Variants in RASEF observed in about 807,000 individuals in gnomAD.
RASEF encodes the protein ras and EF-hand domain-containing protein.
A neutral mutation model predicts 90.1 loss-of-function variants in RASEF; 68 were observed. The observed-to-expected ratio is 0.75, with a 90% CI of 0.62 to 0.92. The LOEUF is 0.92. Among genes scored for constraint, RASEF ranks in the 40% least tolerant of loss-of-function variants. The pLI is 0.00. For missense variants in RASEF, 949 were observed against 937.2 expected (o/e 1.01, Z -0.16); for synonymous variants, 331 against 345.2 (o/e 0.96, Z 0.46).
At chr9:83,164,914 C>A in the RASEF span, among the ~76,000 whole-genome samples, 2 of 151,844 alleles carry the variant, frequency 1.3e-5, no homozygotes, top group Non-Finnish European at 2.9e-5. Flanking sequence ...TATAAAAGGA[C>A]ATTGCATAAT....
chr9:83,114,964 C>T, the RASEF span, among the ~76,000 whole-genome samples: 13 of 152,322 alleles, frequency 8.5e-5, no homozygotes, highest in East Asian at 2.3e-3. Flanking sequence ...ACTCCCTCCC[C>T]TTTTGAAAAT....
intron 1 of RASEF, among the ~76,000 whole-genome samples, chr9:83,035,308 T>C (rs1174507768): frequency 6.6e-6 from 1 of 152,212 alleles, no homozygotes; most frequent in Non-Finnish European, 1.5e-5. Context: ...AGTTTGGCTG[T>C]GTTTCAATAA....
At chr9:83,131,073 A>C in the RASEF span, among the ~76,000 whole-genome samples, 1 of 152,310 alleles carries the variant, frequency 6.6e-6, no homozygotes, top group African/African-American at 2.4e-5. Context: ...AAAAAAAGTG[A>C]AACAGTCAGA....
At chr9:83,168,674 A>G in the RASEF span, among the ~76,000 whole-genome samples, 1 of 152,206 alleles carries the variant, frequency 6.6e-6, no homozygotes, top group Non-Finnish European at 1.5e-5. Context: ...ATATTTCTCA[A>G]GAGAAGGCAT....
At chr9:83,143,612 C>A in the RASEF span, among the ~76,000 whole-genome samples, 2 of 151,990 alleles carry the variant, frequency 1.3e-5, no homozygotes, top group Non-Finnish European at 2.9e-5. Flanking sequence ...GAGATATCAT[C>A]CCACACCAAT....
At chr9:83,062,175 A>G (rs1439626417) in intron 1 of RASEF, among the ~76,000 whole-genome samples, 1 of 152,174 alleles carries the variant, frequency 6.6e-6, no homozygotes, top group African/African-American at 2.4e-5. Context: ...AGATTTCAGG[A>G]GAGCTCCTGT....
At chr9:83,110,980 T>C in the RASEF span, among the ~76,000 whole-genome samples, 1 of 151,990 alleles carries the variant, frequency 6.6e-6, no homozygotes, top group Non-Finnish European at 1.5e-5. Flanking sequence ...GCAAGAACTG[T>C]GAGAAACAAC....
chr9:82,991,996 T>C (rs1828825052), intron 15 of RASEF, among the ~76,000 whole-genome samples: 1 of 152,234 alleles, frequency 6.6e-6, no homozygotes, highest in Non-Finnish European at 1.5e-5. Context: ...TGGATACCAA[T>C]AAATATGGGT....
At chr9:83,090,634 C>T in the RASEF span, among the ~76,000 whole-genome samples, 1 of 152,188 alleles carries the variant, frequency 6.6e-6, no homozygotes, top group African/African-American at 2.4e-5. Flanking sequence ...GAACTCTTAA[C>T]CTCAGGTGAT....
chr9:82,997,168 C>T, intron 13 of RASEF, 42 bp from the exon 14 acceptor site: 1 of 1,213,140 alleles, frequency 8.2e-7, no homozygotes, highest in South Asian at 1.2e-5. Context: ...TTTGTGTTGC[C>T]TCATTCTTCT....
At chr9:83,128,011 T>G in the RASEF span, among the ~76,000 whole-genome samples, 1 of 145,706 alleles carries the variant, frequency 6.9e-6, no homozygotes, top group African/African-American at 2.6e-5. Flanking sequence ...CTTTTTCTTT[T>G]TTATTTTTCT....
chr9:83,043,741 C>T (rs936118663), intron 1 of RASEF, among the ~76,000 whole-genome samples: 4 of 152,116 alleles, frequency 2.6e-5, no homozygotes, highest in African/African-American at 9.7e-5. Flanking sequence ...TTTTCTGCCT[C>T]TTTGAAAGCA....
chr9:83,211,586 G>C, the RASEF span, among the ~76,000 whole-genome samples: 3 of 152,232 alleles, frequency 2.0e-5, no homozygotes, highest in African/African-American at 7.2e-5. Context: ...TCATCAAAGA[G>C]TGAGATACTG....
chr9:83,028,955 G>A (rs959792163), intron 1 of RASEF, among the ~76,000 whole-genome samples: 1 of 152,144 alleles, frequency 6.6e-6, no homozygotes, highest in Admixed American at 6.5e-5. Context: ...GGAAAAGACA[G>A]CCATCTGCAA....
the RASEF span, among the ~76,000 whole-genome samples, chr9:83,076,037 A>G: frequency 6.6e-6 from 1 of 151,994 alleles, no homozygotes; most frequent in Admixed American, 6.6e-5. Flanking sequence ...GCGTGGTGGC[A>G]CGTGCCTGTA....
intron 9 of RASEF, 110 bp from the exon 10 acceptor site, chr9:83,001,240 A>T: frequency 5.7e-6 from 4 of 707,748 alleles, no homozygotes; most frequent in Non-Finnish European, 7.2e-6. Context: ...ACTGTGGCTA[A>T]GAGCCGCAGT....
chr9:83,113,042 T>G, the RASEF span, among the ~76,000 whole-genome samples: 2 of 152,304 alleles, frequency 1.3e-5, no homozygotes, highest in African/African-American at 4.8e-5. Context: ...AACACACATA[T>G]AAGAAATAAA....
chr9:83,031,772 GAT>G (rs1162237381), intron 1 of RASEF, among the ~76,000 whole-genome samples: 5 of 152,170 alleles, frequency 3.3e-5, no homozygotes, highest in Admixed American at 2.0e-4. Flanking sequence ...GCATGAATAA[GAT>G]AAAAATGAGA....
chr9:82,982,822 AG>A, intron 16 of RASEF, 40 bp from the exon 17 acceptor site: 1 of 1,139,604 alleles, frequency 8.8e-7, no homozygotes, highest in Non-Finnish European at 1.3e-6. Flanking sequence ...AGAGAGAGAG[AG>A]AGAGAGAGAG....
Sources: allele counts gnomAD v4.1 joint callset (sites outside exome capture counted in the v4.1 genomes callset), GRCh38; gene constraint gnomAD v4.1.1; transcripts MANE v1.5; gene names NCBI Gene and HGNC (gene_info 2026-07-23, HGNC 2026-07-21).